Variants in EXO1 observed in about 807,000 individuals in gnomAD.
EXO1 encodes exonuclease 1.
EXO1 carries 69 observed loss-of-function variants against 84.5 expected under a neutral mutation model. The ratio of observed to expected loss-of-function variants is 0.82; its 90% CI spans 0.67 to 1.00. The LOEUF is 1.00. Among genes scored for constraint, EXO1 ranks in the 50% least tolerant of loss-of-function variants. The probability of loss-of-function intolerance (pLI) is 0.00; values close to 1 mark genes in which losing one functional copy is unlikely to be tolerated. For missense variants in EXO1, 1,045 were observed against 1,000.7 expected (o/e 1.04, Z -0.60); for synonymous variants, 373 against 366.1 (o/e 1.02, Z -0.21).
chr1:241,862,495 C>G (rs1470970717), intron 10 of EXO1, among the ~76,000 whole-genome samples: 1 of 152,196 alleles, frequency 6.6e-6, no homozygotes, highest in Non-Finnish European at 1.5e-5. Flanking sequence ...CCTGTAGCCT[C>G]CAAGTCTATT....
At chr1:241,855,993 C>T (rs1381446911) in intron 6 of EXO1, among the ~76,000 whole-genome samples, 2 of 152,338 alleles carry the variant, frequency 1.3e-5, no homozygotes, top group East Asian at 1.9e-4. Context: ...AGGGAGTGGG[C>T]TCCGGCCTTG....
intron 10 of EXO1, among the ~76,000 whole-genome samples, chr1:241,865,055 G>A (rs992114593): frequency 9.0e-5 from 13 of 143,888 alleles, no homozygotes; most frequent in Non-Finnish European, 1.8e-4. Context: ...GTGTGTGTGG[G>A]GGGGGGGTCT....
chr1:241,855,263 A>G (rs1261847248), intron 6 of EXO1, among the ~76,000 whole-genome samples: 1 of 150,390 alleles, frequency 6.6e-6, no homozygotes, highest in African/African-American at 2.4e-5. Context: ...AGCTGGACAC[A>G]AAGATTCTCC....
At chr1:241,854,782 G>T (rs1439285316) in intron 6 of EXO1, 1 of 157,958 alleles carries the variant, frequency 6.3e-6, no homozygotes, top group African/African-American at 2.4e-5. Context: ...GACCCTCGCG[G>T]TGAGTGTTAC....
At position 241,881,981 on chromosome 1, in the gene EXO1, T is replaced by A. The variant is rs4149984; in HGVS notation, c.2175T>A (p.Ser725=). The change falls in exon 14 of 16, where the codon TCT becomes TCA. Residue 725 remains serine (S), a synonymous_variant. Coordinates refer to ENST00000366548, the MANE Select transcript of EXO1 (RefSeq NM_130398.4). Reference sequence around the variant, plus strand: ...ACCAGACCTCCAAGCTACGTTTATCTCATTTCTCAAAAAAAGACACACCTC... The same window carrying A: ...ACCAGACCTCCAAGCTACGTTTATCACATTTCTCAAAAAAAGACACACCTC... ...QSDQTSKLRL[S]HFSKKDTPLR... is the part of the protein sequence containing the mutation. The A allele has an allele frequency of 0.028, 43,417 of 1,578,746 alleles. 1,054 individuals carry two copies. The highest frequency in any genetic ancestry group is 0.13 in the East Asian group (5,781 of 44,516).
chr1:241,853,740 C>T lies in EXO1; in HGVS notation c.405+259C>T, dbSNP rs573278797. Among the ~76,000 whole-genome samples the T allele has an allele frequency of 1.2e-4, 19 of 152,122 alleles. No individual in the cohort carries two copies. The East Asian group carries it at 1.7e-3, about 14-fold the overall frequency. ...GCAATGGAAGGAACAGGGCCAGGCA[C>T]GGTGGCTCACACCAGTAATCCCAGC... On this transcript the variant is annotated intron_variant, in intron 6 of 15. Transcript: ENST00000366548.
rs768177546 is a variant in EXO1 at position 241,872,241 on chromosome 1, GA to G, written c.1480del (p.Ser494ValfsTer27). The G allele has an allele frequency of 6.2e-7, 1 of 1,614,120 alleles. No homozygotes were observed. Among genetic ancestry groups the G allele is most frequent in the South Asian group, 1.1e-5 (1 of 91,076 alleles). ...AACATTTTTACAAAGGAAAAATGAA[GA>G]AAGTGGTGCAGTTGTGGTTCCAGGG... The part of the protein sequence containing the change: ...FATFLQRKNE[E>X]SGAVVVPGTR... On this transcript the variant is annotated frameshift_variant, in exon 12 of 16. Coordinates refer to ENST00000366548, the MANE Select transcript of EXO1 (RefSeq NM_130398.4). LOFTEE classifies it high-confidence loss of function.
chr1:241,878,570 G>T lies in EXO1; in HGVS notation c.1515-179G>T, dbSNP rs150406472. On this transcript the variant is annotated intron_variant, in intron 12 of 15. Transcript: ENST00000366548. ...TAGAATTCTAAATGTGTGAATGTTGGCATAATCAAAATTTGAATTTTGACT... is the reference window on the plus strand; with the variant it reads ...TAGAATTCTAAATGTGTGAATGTTGTCATAATCAAAATTTGAATTTTGACT... Among the ~76,000 whole-genome samples the T allele has an allele frequency of 7.1e-3, 1,082 of 151,696 alleles. 15 individuals are homozygous for T. Among genetic ancestry groups the T allele is most frequent in the African/African-American group, 0.024 (1,012 of 41,376 alleles).
chr1:241,872,167 C>T lies in EXO1; in HGVS notation c.1403C>T (p.Thr468Ile). 6.2e-7 allele frequency: 1 copy of T among 1,613,872 alleles called. No homozygotes were observed. Among genetic ancestry groups the T allele is most frequent in the Non-Finnish European group, 8.5e-7 (1 of 1,179,932 alleles). Residue 468 changes from threonine (T) to isoleucine (I), a missense_variant, in exon 12 of 16, where the codon ACT (threonine) becomes ATT (isoleucine). Thr to Ile is a moderately conservative substitution (Grantham distance 89). Transcript: ENST00000366548. ...GTGCCTGACCTGGTAAATGGACCTA[C>T]TAACAAAAAGAGTGTAAGCACTCCA... ...VFVPDLVNGP[T>I]NKKSVSTPPR...
rs1662583518 is a variant in EXO1, at chr1:241,879,118, A to G, written c.1884A>G (p.Thr628=). 3 of 1,612,490 alleles carry G rather than the reference A, an allele frequency of 1.9e-6. No homozygotes were observed. Among genetic ancestry groups the G allele is most frequent in the Non-Finnish European group, 8.5e-7 (1 of 1,178,482 alleles). Reference sequence around the variant, plus strand: ...GAACGCCGAGCCCCTCTCCAAGCACAGCATTGCAGCAGTTCCGAAGAAAGA... The same window carrying G: ...GAACGCCGAGCCCCTCTCCAAGCACGGCATTGCAGCAGTTCCGAAGAAAGA... The part of the protein sequence containing the change: ...FSRTPSPSPS[T]ALQQFRRKSD... The change falls in exon 13 of 16, where the codon ACA becomes ACG. Residue 628 remains threonine (T), a synonymous_variant. Transcript: ENST00000366548.
At chr1:241,851,630 T>C (rs1468482488) in intron 4 of EXO1, among the ~76,000 whole-genome samples, 6 of 152,220 alleles carry the variant, frequency 3.9e-5, no homozygotes, top group Non-Finnish European at 8.8e-5. Flanking sequence ...ATAGTAGCAG[T>C]GGTGTCCTGG....
chr1:241,889,383 C>A, intron 15 of EXO1, 82 bp from the exon 16 acceptor site: 3 of 1,240,240 alleles, frequency 2.4e-6, no homozygotes, highest in Admixed American at 1.7e-5. Context: ...CTTCATGTCC[C>A]TCTATTTTGT....
intron 10 of EXO1, among the ~76,000 whole-genome samples, chr1:241,862,202 CG>C (rs1558129522): frequency 6.6e-6 from 1 of 152,128 alleles, no homozygotes; most frequent in African/African-American, 2.4e-5. Context: ...CCTCCCAAAG[CG>C]CTGGGATTAC....
At chr1:241,851,983 G>GA (rs1408023929) in intron 4 of EXO1, among the ~76,000 whole-genome samples, 1 of 152,134 alleles carries the variant, frequency 6.6e-6, no homozygotes, top group Non-Finnish European at 1.5e-5. Context: ...AAATGGGGGG[G>GA]AAAGACCAGA....
chr1:241,855,142 C>T (rs893302155), intron 6 of EXO1, among the ~76,000 whole-genome samples: 2 of 152,178 alleles, frequency 1.3e-5, no homozygotes, highest in African/African-American at 4.8e-5. Context: ...CCACTGCTGG[C>T]TGGGGCAGCC....
Position 241,879,970 on chromosome 1 carries a change from G to A in EXO1, c.2109+627G>A, listed in dbSNP as rs1662657202. 2.7e-5 allele frequency among the ~76,000 whole-genome samples: 4 copies of A among 148,724 alleles called. No homozygotes were observed. In the South Asian group the frequency reaches 6.4e-4, roughly 24 times the overall value. On this transcript the variant is annotated intron_variant, in intron 13 of 15. Transcript: ENST00000366548. ...TGCAGTGAGCCGAGATTGAGCCACT[G>A]TACTCCAGCCTGGGGGACAGAGCAA...
rs988949511 is a variant in EXO1 at position 241,860,766 on chromosome 1, T to C, written c.944+62T>C. ...TTTTTCTTCAATATTTTTATGGTGA[T>C]TTTTTTGTGAGGCATTTAGTAAAAA... On this transcript the variant is annotated intron_variant, in intron 9 of 15. Coordinates refer to ENST00000366548, the MANE Select transcript of EXO1 (RefSeq NM_130398.4). The C allele has an allele frequency of 5.1e-6, 7 of 1,378,090 alleles. No individual in the cohort carries two copies. In the East Asian group the frequency reaches 9.1e-5, roughly 18 times the overall value. 85.4% of individuals were successfully genotyped at this position (1,378,090 alleles called of 1,614,324 possible).
At chr1:241,883,849 T>C (rs925785782) in intron 14 of EXO1, among the ~76,000 whole-genome samples, 5 of 152,192 alleles carry the variant, frequency 3.3e-5, no homozygotes, top group Non-Finnish European at 7.3e-5. Context: ...CAATGATGGA[T>C]AGAACTGGAG....
In EXO1 at chr1:241,848,434, C is replaced by T. The variant is rs1277960552; in HGVS notation, c.-420+81C>T. 2.6e-5 allele frequency: 4 copies of T among 152,286 alleles called. No individual in the cohort carries two copies. Among genetic ancestry groups the T allele is most frequent in the African/African-American group, 2.4e-5 (1 of 41,442 alleles). 9.4% of individuals were successfully genotyped at this position (152,286 alleles called of 1,614,324 possible). On this transcript the variant is annotated intron_variant, in intron 1 of 15. Coordinates refer to ENST00000366548, the MANE Select transcript of EXO1 (RefSeq NM_130398.4). This position sits in a 1 kb window ranked among gnomAD's most constrained non-coding sequence, Gnocchi z 4.2. ...TGCGCGTCACCTCCGACCCTCCTCT[C>T]GGGATTCGGGTCTTCCAGGAAGGGA...
Sources: gnomAD v4.1 joint callset for allele counts (sites outside exome capture counted in the v4.1 genomes callset) on GRCh38, gnomAD v4.1.1 for gene constraint, Gnocchi (gnomAD v3.1) non-coding constraint, MANE v1.5 for transcripts, NCBI Gene and HGNC (gene_info 2026-07-23, HGNC 2026-07-21) for gene names.